PAGE1: variants seen among roughly 807,000 people sequenced by gnomAD.
PAGE1 encodes PAGE family member 1.
PAGE1 carries 6 observed loss-of-function variants against 11.5 expected under a neutral mutation model. The ratio of observed to expected loss-of-function variants is 0.52; its 90% CI spans 0.29 to 1.03. The LOEUF (loss-of-function observed/expected upper bound fraction) is 1.03. Among genes scored for constraint, PAGE1 ranks in the 50% least tolerant of loss-of-function variants. The probability of loss-of-function intolerance (pLI) is 0.09; values close to 1 mark genes in which losing one functional copy is unlikely to be tolerated. For missense variants in PAGE1, 120 were observed against 110.2 expected (o/e 1.09, Z -0.40); for synonymous variants, 42 against 40.2 (o/e 1.05, Z -0.17).
Position 49,691,328 on chromosome X carries a change from A to C in PAGE1, c.213T>G (p.Thr71=). The change falls in exon 4 of 6, where the codon ACT becomes ACG. Residue 71 remains threonine (T), a synonymous_variant. Transcript: ENST00000376150. ...CAGGACCATCTCCAAGCTCACACCC[A>C]GTCTTTGGCTGAACCAGTTCCTGGC... ...ADSQELVQPK[T]GCELGDGPDT... 6.6e-6 allele frequency: 8 copies of C among 1,208,604 alleles called. No individual in the cohort carries two copies. Among genetic ancestry groups the C allele is most frequent in the Non-Finnish European group, 9.0e-6 (8 of 892,939 alleles).
intron 3 of PAGE1, among the ~76,000 whole-genome samples, chrX:49,692,045 G>A (rs1557142266): frequency 9.0e-6 from 1 of 110,974 alleles, no homozygotes; most frequent in East Asian, 2.8e-4. Flanking sequence ...TACTCAGGAG[G>A]CTGAGGCATG....
chrX:49,687,641 A>ACTACAATTT, intron 5 of PAGE1, 78 bp from the exon 6 acceptor site: 1 of 952,791 alleles, frequency 1.0e-6, no homozygotes, highest in Admixed American at 2.7e-5. Context: ...CACAAAGGAC[A>ACTACAATTT]CTACAATTTG....
chrX:49,691,201 C>T, intron 4 of PAGE1, 48 bp downstream of exon 4: 5 of 1,177,115 alleles, frequency 4.2e-6, no homozygotes, highest in Non-Finnish European at 5.7e-6. Context: ...AATTATAATA[C>T]TGTGGAAACA....
intron 4 of PAGE1, 135 bp from the exon 5 acceptor site, chrX:49,689,678 A>ATATG (rs2066902398): frequency 3.7e-5 from 3 of 80,584 alleles, no homozygotes; most frequent in African/African-American, 1.9e-4. Context: ...ATATACATAT[A>ATATG]TGTGTGTATA....
intron 3 of PAGE1, 76 bp downstream of exon 3, chrX:49,694,021 GAC>G (rs565227923): frequency 0.13 from 42,869 of 326,533 alleles, 344 homozygotes; most frequent in Middle Eastern, 0.16. Flanking sequence ...CAATGCATGA[GAC>G]ACACACACAC....
At chrX:49,692,951 G>A (rs2066926350) in intron 3 of PAGE1, among the ~76,000 whole-genome samples, 1 of 110,795 alleles carries the variant, frequency 9.0e-6, no homozygotes, top group Non-Finnish European at 1.9e-5. Context: ...ACAATCTAAG[G>A]ATAAACCACA....
chrX:49,691,912 G>A (rs1418948934), intron 3 of PAGE1, among the ~76,000 whole-genome samples: 2 of 111,842 alleles, frequency 1.8e-5, no homozygotes, highest in African/African-American at 6.5e-5. Flanking sequence ...CGAGGTGGGC[G>A]GATCATCTGA....
chrX:49,688,032 G>A (rs1191235836), intron 5 of PAGE1, among the ~76,000 whole-genome samples: 3 of 112,751 alleles, frequency 2.7e-5, no homozygotes, highest in Non-Finnish European at 5.6e-5. Flanking sequence ...GGGAGTGTGC[G>A]TAGCACAGGC....
intron 3 of PAGE1, among the ~76,000 whole-genome samples, chrX:49,693,687 G>A (rs1394763309): frequency 1.8e-5 from 2 of 110,991 alleles, no homozygotes; most frequent in Non-Finnish European, 3.8e-5. Context: ...GTCTATTCCT[G>A]GGCCAGTACT....
intron 5 of PAGE1, 26 bp downstream of exon 5, chrX:49,689,392 A>G: frequency 1.9e-6 from 2 of 1,038,821 alleles, no homozygotes; most frequent in Non-Finnish European, 2.5e-6. Context: ...ACACCCTACA[A>G]TTTGCATGCC....
chrX:49,694,223 GT>G (rs2066932514), intron 2 of PAGE1, 22 bp from the exon 3 acceptor site: 1 of 993,393 alleles, frequency 1.0e-6, no homozygotes, highest in South Asian at 2.1e-5. Flanking sequence ...GAATATGTGT[GT>G]GAGTGTGCAA....
intron 4 of PAGE1, among the ~76,000 whole-genome samples, chrX:49,690,969 G>A (rs1312760027): frequency 9.0e-6 from 1 of 111,604 alleles, no homozygotes; most frequent in Non-Finnish European, 1.9e-5. Flanking sequence ...TCTGAGGTCA[G>A]GAGTTCGACA....
intron 4 of PAGE1, among the ~76,000 whole-genome samples, 171 bp from the exon 5 acceptor site, chrX:49,689,714 A>ATGTATATATACACATATATATG (rs2066903212): frequency 1.5e-4 from 7 of 47,489 alleles, no homozygotes; most frequent in Admixed American, 2.9e-4. Flanking sequence ...ATGTGTATAT[A>ATGTATATATACACATATATATG]TGTATATATG....
rs148979829 is a variant in PAGE1, at chrX:49,694,555, C to G, written c.63+153G>C. 6.6e-3 allele frequency among the ~76,000 whole-genome samples: 734 copies of G among 111,180 alleles called. 9 individuals are homozygous for G. The highest frequency in any genetic ancestry group is 0.063 in the East Asian group (224 of 3,548). On this transcript the variant is annotated intron_variant, in intron 2 of 5. Coordinates refer to ENST00000376150, the MANE Select transcript of PAGE1 (RefSeq NM_003785.4). The stretch of plus-strand genomic sequence containing the variant: ...AATCCTCCTGAATCAATATTTCCTT[C>G]ATGAGATACCAGAATCTTATTTTTT...
At chrX:49,690,029 ATATATATGTG>A (rs1248757392) in intron 4 of PAGE1, among the ~76,000 whole-genome samples, 55 of 68,946 alleles carry the variant, frequency 8.0e-4, no homozygotes, top group Admixed American at 1.0e-3. Flanking sequence ...ATATACACAC[ATATATATGTG>A]TATATATGTG....
chrX:49,690,081 G>GTATATATGTGTATATATACACA (rs2066912991), intron 4 of PAGE1, among the ~76,000 whole-genome samples: 1 of 49,907 alleles, frequency 2.0e-5, no homozygotes, highest in Non-Finnish European at 3.5e-5. Context: ...ATATATATGT[G>GTATATATGTGTATATATACACA]TATATATGTG....
rs369964527 is a variant in PAGE1, at chrX:49,691,382, A to G, written c.167-8T>C. 79 of 1,178,554 alleles carry G rather than the reference A, an allele frequency of 6.7e-5. No individual in the cohort carries two copies. Among genetic ancestry groups the G allele is most frequent in the Non-Finnish European group, 8.7e-5 (76 of 877,263 alleles). On this transcript the variant is annotated splice_region_variant and splice_polypyrimidine_tract_variant and intron_variant, in intron 3 of 5. Transcript: ENST00000376150. ...CAGCTTCAGGCTCCTGCCCTTAAAG[A>G]TAAAACAAAATTATCATTTTAAGCA...
chrX:49,689,824 A>ATATG (rs1405685734), intron 4 of PAGE1, among the ~76,000 whole-genome samples: 1 of 59,076 alleles, frequency 1.7e-5, no homozygotes, highest in African/African-American at 9.2e-5. Context: ...ACACACATAT[A>ATATG]TGTGTATATA....
chrX:49,691,179 GA>G (rs2066919008), intron 4 of PAGE1, 69 bp downstream of exon 4: 8 of 1,093,739 alleles, frequency 7.3e-6, no homozygotes, highest in East Asian at 6.3e-5. Flanking sequence ...CTCCATCTCA[GA>G]AAAAAAAGAA....
Sources: allele counts gnomAD v4.1 joint callset (sites outside exome capture counted in the v4.1 genomes callset), GRCh38; gene constraint gnomAD v4.1.1; transcripts MANE v1.5; gene names NCBI Gene and HGNC (gene_info 2026-07-23, HGNC 2026-07-21).